Variants in NAV2 observed in about 807,000 individuals in gnomAD.
NAV2 encodes neuron navigator 2.
Under a neutral mutation model 223.2 loss-of-function variants are expected in NAV2, and 54 were observed. The observed-to-expected ratio is 0.24, with a 90% CI of 0.19 to 0.30. NAV2 has a LOEUF of 0.30. Among genes scored for constraint, NAV2 ranks in the 10% least tolerant of loss-of-function variants. The probability of loss-of-function intolerance (pLI) is 1.00; values close to 1 mark genes in which losing one functional copy is unlikely to be tolerated. For synonymous variants in NAV2, 1,279 were observed against 1,239.3 expected (o/e 1.03, Z -0.67); for missense variants, 2,806 against 3,147.5 (o/e 0.89, Z 2.60).
chr11:19,657,909 A>G (rs2048172419), intron 1 of NAV2, among the ~76,000 whole-genome samples: 1 of 152,140 alleles, frequency 6.6e-6, no homozygotes, highest in Non-Finnish European at 1.5e-5. Flanking sequence ...AGACTCAGGT[A>G]TTAGATCTGA....
At chr11:19,401,184 A>G (rs1849670590) in intron 1 of NAV2, among the ~76,000 whole-genome samples, 1 of 152,236 alleles carries the variant, frequency 6.6e-6, no homozygotes, top group Non-Finnish European at 1.5e-5. Flanking sequence ...CTTTAAGAAT[A>G]TATTTTATAT....
intron 1 of NAV2, among the ~76,000 whole-genome samples, chr11:19,358,664 C>G (rs1853758648): frequency 6.6e-6 from 1 of 152,140 alleles, no homozygotes; most frequent in Admixed American, 6.5e-5. Context: ...AATCTGCATA[C>G]CTGGGAACAG....
chr11:19,993,023 G>A (rs144295690), intron 11 of NAV2, among the ~76,000 whole-genome samples: 331 of 152,304 alleles, frequency 2.2e-3, no homozygotes, highest in African/African-American at 7.6e-3. Flanking sequence ...AGGCCAAAGA[G>A]AAAGGCCAAG....
intron 10 of NAV2, among the ~76,000 whole-genome samples, chr11:19,956,134 C>T (rs1185167087): frequency 6.6e-6 from 1 of 152,144 alleles, no homozygotes; most frequent in Non-Finnish European, 1.5e-5. Context: ...GGTAAAGACT[C>T]AGCTATGTGG....
intron 1 of NAV2, among the ~76,000 whole-genome samples, chr11:19,394,693 G>A (rs1849380857): frequency 6.6e-6 from 1 of 152,222 alleles, no homozygotes; most frequent in South Asian, 2.1e-4. Flanking sequence ...TCTGCAGGCA[G>A]AGTGAAGTTG....
intron 1 of NAV2, among the ~76,000 whole-genome samples, chr11:19,382,628 T>C (rs1848887931): frequency 6.6e-6 from 1 of 152,184 alleles, no homozygotes; most frequent in South Asian, 2.1e-4. Flanking sequence ...AAAATCACAA[T>C]GCCTGGCACA....
intron 1 of NAV2, among the ~76,000 whole-genome samples, chr11:19,557,249 G>T (rs940095064): frequency 6.6e-6 from 1 of 152,204 alleles, no homozygotes; most frequent in Non-Finnish European, 1.5e-5. Flanking sequence ...GCCAGCGGAG[G>T]TTAAGAGACT....
intron 1 of NAV2, among the ~76,000 whole-genome samples, chr11:19,354,654 A>G (rs1268986628): frequency 6.6e-6 from 1 of 152,248 alleles, no homozygotes. Context: ...CAAATCAATG[A>G]AGATGAATTT....
chr11:19,652,614 A>G (rs1028531313), intron 1 of NAV2, among the ~76,000 whole-genome samples: 18 of 152,162 alleles, frequency 1.2e-4, no homozygotes, highest in Non-Finnish European at 2.2e-4. Context: ...TAAAGCAATC[A>G]CTAGCACAGA....
intron 1 of NAV2, among the ~76,000 whole-genome samples, chr11:19,541,540 G>A (rs2044342282): frequency 6.6e-6 from 1 of 152,240 alleles, no homozygotes; most frequent in African/African-American, 2.4e-5. Context: ...TTCTACAGGA[G>A]CAGGCTGAGG....
chr11:19,716,651 A>G (rs2194843), intron 1 of NAV2, among the ~76,000 whole-genome samples: 58,626 of 152,012 alleles, frequency 0.39, 11,510 homozygotes, highest in South Asian at 0.43. Flanking sequence ...AGATGAGGGA[A>G]GGGCATGTCC....
At chr11:20,019,402 G>A (rs2054296149) in intron 11 of NAV2, among the ~76,000 whole-genome samples, 1 of 152,070 alleles carries the variant, frequency 6.6e-6, no homozygotes, top group Non-Finnish European at 1.5e-5. Flanking sequence ...GTGGGGGTGC[G>A]GACACATTGG....
At chr11:19,380,090 T>G (rs947324115) in intron 1 of NAV2, among the ~76,000 whole-genome samples, 4 of 152,230 alleles carry the variant, frequency 2.6e-5, no homozygotes, top group Admixed American at 2.6e-4. Context: ...TACCTAATCT[T>G]CTTCATCCCC....
intron 19 of NAV2, among the ~76,000 whole-genome samples, chr11:20,059,761 T>C (rs905584944): frequency 1.3e-5 from 2 of 152,206 alleles, no homozygotes; most frequent in Non-Finnish European, 2.9e-5. Context: ...CTAGATATTC[T>C]CTATGGTTCC....
At chr11:20,079,952 G>A (rs1326807674) in intron 24 of NAV2, 112 bp from the exon 25 acceptor site, 6 of 1,205,252 alleles carry the variant, frequency 5.0e-6, no homozygotes, top group Non-Finnish European at 6.9e-6. Context: ...TGTATATGTG[G>A]AAAACACCCA....
chr11:20,057,971 T>A (rs543642615), intron 19 of NAV2, among the ~76,000 whole-genome samples: 1 of 152,326 alleles, frequency 6.6e-6, no homozygotes, highest in East Asian at 1.9e-4. Flanking sequence ...AGTCAAACTT[T>A]AGGGGAATGG....
At chr11:19,701,705 A>G (rs2049515677) in intron 1 of NAV2, among the ~76,000 whole-genome samples, 1 of 152,248 alleles carries the variant, frequency 6.6e-6, no homozygotes, top group Admixed American at 6.5e-5. Flanking sequence ...TTGGAAAACA[A>G]TTTAATAGTG....
At chr11:19,886,276 G>A (rs560127627) in intron 5 of NAV2, among the ~76,000 whole-genome samples, 1 of 152,068 alleles carries the variant, frequency 6.6e-6, no homozygotes, top group African/African-American at 2.4e-5. Context: ...CTGAGCTGCC[G>A]AACCTAGAGT....
At chr11:19,954,428 A>AT (rs1287446180) in intron 10 of NAV2, among the ~76,000 whole-genome samples, 5 of 152,160 alleles carry the variant, frequency 3.3e-5, no homozygotes, top group Non-Finnish European at 7.3e-5. Flanking sequence ...ATCCCTCAGT[A>AT]TCCATGAGGG....
Sources: gnomAD v4.1 joint callset for allele counts (sites outside exome capture counted in the v4.1 genomes callset) on GRCh38, gnomAD v4.1.1 for gene constraint, MANE v1.5 for transcripts, NCBI Gene and HGNC (gene_info 2026-07-23, HGNC 2026-07-21) for gene names.